The following PDE10A variants were observed in gnomAD, a reference collection of about 807,000 sequenced individuals.
PDE10A encodes the protein cAMP and cAMP-inhibited cGMP 3',5'-cyclic phosphodiesterase 10A.
A neutral mutation model predicts 97.7 loss-of-function variants in PDE10A; 39 were observed. The ratio of observed to expected loss-of-function variants is 0.40; its 90% CI spans 0.31 to 0.52. The LOEUF (loss-of-function observed/expected upper bound fraction) is 0.52, where lower values mean the gene tolerates loss of function less well. PDE10A is among the 20% of genes least tolerant of loss of function. PDE10A has a pLI of 0.56. For missense variants in PDE10A, 731 were observed against 1,047.8 expected, an observed-to-expected ratio of 0.70 and a Z score of 4.17; for synonymous variants, 371 against 376.8, an observed-to-expected ratio of 0.98 and a Z score of 0.18.
chr6:165,783,811 G>C (rs1778410089), intron 1 of PDE10A, among the ~76,000 whole-genome samples: 1 of 152,220 alleles, frequency 6.6e-6, no homozygotes, highest in Admixed American at 6.5e-5. Context: ...GAACAAGTGA[G>C]GTTACGTGAC....
chr6:165,603,904 G>C (rs2128396955), intron 1 of PDE10A, among the ~76,000 whole-genome samples: 1 of 152,310 alleles, frequency 6.6e-6, no homozygotes, highest in East Asian at 1.9e-4. Flanking sequence ...TGCTGAAGCA[G>C]GAACTAAAAC....
At chr6:165,532,215 C>T (rs912002176) in intron 2 of PDE10A, among the ~76,000 whole-genome samples, 3 of 151,930 alleles carry the variant, frequency 2.0e-5, no homozygotes, top group African/African-American at 7.3e-5. Flanking sequence ...GCTCTGCTTT[C>T]CTGCCTTTGC....
At chr6:165,437,154 A>G (rs975709053) in intron 5 of PDE10A, among the ~76,000 whole-genome samples, 20 of 151,884 alleles carry the variant, frequency 1.3e-4, no homozygotes, top group Non-Finnish European at 4.4e-5. Context: ...TCCAACAGTA[A>G]CTCTGTATTT....
At chr6:165,600,503 G>A (rs1045951933) in intron 1 of PDE10A, among the ~76,000 whole-genome samples, 1 of 152,220 alleles carries the variant, frequency 6.6e-6, no homozygotes, top group Non-Finnish European at 1.5e-5. Context: ...ACATGTAAAT[G>A]TTCTGACGTG....
intron 1 of PDE10A, among the ~76,000 whole-genome samples, chr6:165,562,209 T>C (rs1235250914): frequency 2.0e-5 from 3 of 152,146 alleles, no homozygotes; most frequent in African/African-American, 7.2e-5. Flanking sequence ...ACAATTACAA[T>C]GTTAAGACAG....
chr6:165,900,765 A>G (rs1394547958), intron 1 of PDE10A, among the ~76,000 whole-genome samples: 1 of 152,218 alleles, frequency 6.6e-6, no homozygotes, highest in Non-Finnish European at 1.5e-5. Context: ...GGCCAAATTC[A>G]ATAATCAATC....
intron 1 of PDE10A, among the ~76,000 whole-genome samples, chr6:165,914,699 A>G (rs1782558710): frequency 6.6e-6 from 1 of 152,222 alleles, no homozygotes; most frequent in Non-Finnish European, 1.5e-5. Flanking sequence ...GCCAAAATGC[A>G]GGAAGATTTG....
chr6:165,647,095 T>C (rs894693408), intron 1 of PDE10A, among the ~76,000 whole-genome samples: 1 of 152,042 alleles, frequency 6.6e-6, no homozygotes, highest in African/African-American at 2.4e-5. Context: ...TAGAGTAAAT[T>C]AAATTACAAA....
chr6:165,675,418 C>A (rs1263963083), intron 1 of PDE10A, among the ~76,000 whole-genome samples: 1 of 152,062 alleles, frequency 6.6e-6, no homozygotes. Flanking sequence ...ATATTTTTCT[C>A]TAAGTATATT....
intron 1 of PDE10A, among the ~76,000 whole-genome samples, chr6:165,698,613 G>A (rs1341658741): frequency 6.6e-6 from 1 of 152,216 alleles, no homozygotes; most frequent in Non-Finnish European, 1.5e-5. Flanking sequence ...ACTTTGGGAG[G>A]CTGAGGTGGG....
intron 18 of PDE10A, among the ~76,000 whole-genome samples, chr6:165,377,349 C>G (rs559273240): frequency 3.3e-5 from 5 of 152,118 alleles, no homozygotes; most frequent in African/African-American, 1.2e-4. Context: ...TACTGGAATG[C>G]AGAAAAATAG....
In PDE10A at chr6:165,734,950, G is replaced by GTAGATAGA. The variant is rs60771144; in HGVS notation, c.-614-191390_-614-191383dup. On this transcript the variant is annotated intron_variant, in intron 1 of 19. Coordinates refer to the PDE10A transcript ENST00000366882. ...CCACAGAAACAGAACCAATAAGAAA[G>GTAGATAGA]TAGATAGATAGATAGATAGATAGAT... 5.8e-3 allele frequency among the ~76,000 whole-genome samples: 874 copies of GTAGATAGA among 150,714 alleles called. 3 individuals are homozygous for GTAGATAGA. The highest frequency in any genetic ancestry group is 7.3e-3 in the Admixed American group (111 of 15,122).
At chr6:165,422,298 T>C (rs574528847) in intron 10 of PDE10A, among the ~76,000 whole-genome samples, 70 of 143,874 alleles carry the variant, frequency 4.9e-4, no homozygotes, top group Non-Finnish European at 8.3e-4. Context: ...CATACACACA[T>C]ACGCATACAC....
Position 165,381,218 on chromosome 6 carries a change from C to G in PDE10A, c.2611-1852G>C, listed in dbSNP as rs1362723235. On this transcript the variant is annotated intron_variant, in intron 17 of 21. Transcript: ENST00000539869. ...TATAAACTCACTGCAATTCTACACACTGGATATGTCATCTGTAAGCTCATG... is the reference window on the plus strand; with the variant it reads ...TATAAACTCACTGCAATTCTACACAGTGGATATGTCATCTGTAAGCTCATG... Among the ~76,000 whole-genome samples, 8 of 152,178 alleles carry G rather than the reference C, an allele frequency of 5.3e-5. No homozygotes were observed. In the South Asian group the frequency reaches 1.4e-3, roughly 28 times the overall value.
intron 1 of PDE10A, among the ~76,000 whole-genome samples, chr6:165,672,843 G>C (rs528200537): frequency 3.9e-5 from 6 of 152,142 alleles, no homozygotes; most frequent in Non-Finnish European, 7.3e-5. Flanking sequence ...CTCGAAGAAC[G>C]GTTTCTCCTG....
At chr6:165,761,206 G>T (rs1420055600) in intron 1 of PDE10A, among the ~76,000 whole-genome samples, 1 of 152,174 alleles carries the variant, frequency 6.6e-6, no homozygotes, top group African/African-American at 2.4e-5. Context: ...ACCCTTCAAA[G>T]TGTCTGTGAG....
chr6:165,786,306 T>G (rs1258030937), intron 1 of PDE10A, among the ~76,000 whole-genome samples: 1 of 152,240 alleles, frequency 6.6e-6, no homozygotes, highest in African/African-American at 2.4e-5. Context: ...AGACCTGGCA[T>G]AGCACAGGGT....
intron 2 of PDE10A, among the ~76,000 whole-genome samples, chr6:165,515,195 G>A (rs1781721787): frequency 6.6e-6 from 1 of 152,052 alleles, no homozygotes; most frequent in Non-Finnish European, 1.5e-5. Flanking sequence ...CATGACATTT[G>A]TACTTTGCAT....
chr6:165,639,488 A>G (rs1015676890), intron 1 of PDE10A, among the ~76,000 whole-genome samples: 3 of 152,168 alleles, frequency 2.0e-5, no homozygotes, highest in African/African-American at 7.2e-5. Flanking sequence ...CTGTAATCCC[A>G]GCACTTTGGG....
Sources: gnomAD v4.1 joint callset for allele counts (sites outside exome capture counted in the v4.1 genomes callset) on GRCh38, gnomAD v4.1.1 for gene constraint, MANE v1.5 for transcripts, NCBI Gene and HGNC (gene_info 2026-07-23, HGNC 2026-07-21) for gene names.